ZNF33A: variants seen among roughly 807,000 people sequenced by gnomAD.
ZNF33A encodes the protein brain my041 protein.
Under a neutral mutation model 15.9 loss-of-function variants are expected in ZNF33A, and 9 were observed. The ratio of observed to expected loss-of-function variants is 0.57; its 90% CI spans 0.34 to 0.99. The LOEUF (loss-of-function observed/expected upper bound fraction) is 0.99. Among genes scored for constraint, ZNF33A ranks in the 50% least tolerant of loss-of-function variants. The pLI, the probability that ZNF33A is intolerant of heterozygous loss-of-function variation, is 0.02. For missense variants in ZNF33A, 843 were observed against 941.6 expected, an observed-to-expected ratio of 0.90 and a Z score of 1.37; for synonymous variants, 294 against 324.2, an observed-to-expected ratio of 0.91 and a Z score of 1.00.
intron 2 of ZNF33A, chr10:38,016,124 C>T (rs1564833049): frequency 1.4e-6 from 1 of 735,994 alleles, no homozygotes; most frequent in Non-Finnish European, 1.9e-6. Flanking sequence ...GGATTAGAAC[C>T]CAGAATATGT....
chr10:38,032,949 T>C (rs1336070452), intron 4 of ZNF33A, among the ~76,000 whole-genome samples: 1 of 152,148 alleles, frequency 6.6e-6, no homozygotes, highest in Non-Finnish European at 1.5e-5. Flanking sequence ...GGTTTCACCA[T>C]GTTGGCCAGG....
chr10:38,032,979 C>T (rs1470106516), intron 4 of ZNF33A, among the ~76,000 whole-genome samples: 1 of 152,158 alleles, frequency 6.6e-6, no homozygotes, highest in East Asian at 1.9e-4. Context: ...AGCTCCTGAC[C>T]TCAAGTGATG....
At chr10:38,043,684 A>G (rs1365743264) in intron 4 of ZNF33A, among the ~76,000 whole-genome samples, 1 of 152,024 alleles carries the variant, frequency 6.6e-6, no homozygotes, top group East Asian at 1.9e-4. Context: ...TGCAAAAAAA[A>G]AAATTTTTTT....
At chr10:38,051,679 ATATT>A (rs2066212518) in intron 4 of ZNF33A, among the ~76,000 whole-genome samples, 1 of 152,012 alleles carries the variant, frequency 6.6e-6, no homozygotes, top group Non-Finnish European at 1.5e-5. Context: ...TTGTTATTAT[ATATT>A]ACGATTATAC....
chr10:38,051,818 A>G (rs1425233154), intron 4 of ZNF33A, among the ~76,000 whole-genome samples: 2 of 152,080 alleles, frequency 1.3e-5, no homozygotes, highest in Non-Finnish European at 2.9e-5. Flanking sequence ...CACTGGCCCC[A>G]TCAATTATGT....
In ZNF33A at chr10:38,012,304, C is replaced by CT. The variant is rs1211212659; in HGVS notation, c.-36dup. On this transcript the variant is annotated 5_prime_UTR_variant, in exon 2 of 5. Coordinates refer to ENST00000432900, the MANE Select transcript of ZNF33A (RefSeq NM_006954.2). ...TCCTCTTTTTCTAACTCAGCTGTAT[C>CT]TTCAGAGTTGTCTCCGTCTTTCCAA... 6.2e-7 allele frequency: 1 copy of CT among 1,611,216 alleles called. No individual in the cohort carries two copies. The highest frequency in any genetic ancestry group is 8.5e-7 in the Non-Finnish European group (1 of 1,179,288).
At chr10:38,010,542 C>T (rs2064117957), upstream of ZNF33A, 2 of 727,882 alleles carry the variant, frequency 2.7e-6, no homozygotes. Context: ...CACTGCCTAG[C>T]GGGGCACTTC....
At chr10:38,039,187 GT>G (rs138929289) in intron 4 of ZNF33A, among the ~76,000 whole-genome samples, 25 of 148,168 alleles carry the variant, frequency 1.7e-4, no homozygotes, top group Non-Finnish European at 2.5e-4. Context: ...ATGGACCTGG[GT>G]TTTTTTTTTG....
At chr10:38,018,763 T>C (rs1449489502) in intron 4 of ZNF33A, among the ~76,000 whole-genome samples, 1 of 152,116 alleles carries the variant, frequency 6.6e-6, no homozygotes, top group East Asian at 1.9e-4. Context: ...AACTAACATT[T>C]GTAACATCAG....
At chr10:38,013,384 C>T (rs1010267364) in intron 2 of ZNF33A, among the ~76,000 whole-genome samples, 24 of 151,790 alleles carry the variant, frequency 1.6e-4, no homozygotes, top group African/African-American at 5.8e-4. Flanking sequence ...GCTGGGATTA[C>T]AGGCGTGAGC....
In ZNF33A at chr10:38,044,577, A is replaced by G. The variant is rs34241830; in HGVS notation, c.251-9798A>G. On this transcript the variant is annotated intron_variant, in intron 4 of 4. Coordinates refer to ENST00000432900, the MANE Select transcript of ZNF33A (RefSeq NM_006954.2). ...TATAATTTTTGAATCCAGAATTTTC[A>G]TTGTATTCTTTTCTGTCTTCTTATT... is the stretch of plus-strand genomic sequence containing the variant. 1.8e-3 allele frequency among the ~76,000 whole-genome samples: 273 copies of G among 152,090 alleles called. 1 individual carries two copies. The highest frequency in any genetic ancestry group is 2.9e-3 in the Non-Finnish European group (195 of 67,988).
At chr10:38,063,002 CAAAAAAAAAAAA>C (rs373779802), downstream of ZNF33A, among the ~76,000 whole-genome samples, 42 of 44,216 alleles carry the variant, frequency 9.5e-4, no homozygotes, top group Middle Eastern at 0.013. Context: ...GACTCCATCT[CAAAAAAAAAAAA>C]AAAAAAAAAA....
intron 4 of ZNF33A, among the ~76,000 whole-genome samples, chr10:38,047,104 T>C (rs2065973746): frequency 7.3e-6 from 1 of 137,426 alleles, no homozygotes; most frequent in Non-Finnish European, 1.5e-5. Context: ...CACTTGAGCC[T>C]GAGAGGTGAT....
rs571905179 is a variant in ZNF33A at position 38,018,366 on chromosome 10, A to G, written c.250+980A>G. ...GTAATAGCAGCTGCTAGCCTTGGGC[A>G]GGAATGTGGTTGGTGGGTTTCAGGA... On this transcript the variant is annotated intron_variant, in intron 4 of 4. Transcript: ENST00000432900. 3.4e-3 allele frequency among the ~76,000 whole-genome samples: 517 copies of G among 152,270 alleles called. 3 individuals carry two copies. Among genetic ancestry groups the G allele is most frequent in the African/African-American group, 0.012 (491 of 41,568 alleles).
chr10:38,064,306 A>G, downstream of ZNF33A: 2 of 563,930 alleles, frequency 3.5e-6, no homozygotes, highest in South Asian at 5.1e-5. Flanking sequence ...CTAAAGAGAC[A>G]TTTCTACTTC....
chr10:38,057,127 CGTGTAT>C lies in ZNF33A; in HGVS notation c.*572_*577del. The C allele has an allele frequency of 1.4e-6, 1 of 722,756 alleles. No homozygotes were observed. Among genetic ancestry groups the C allele is most frequent in the Non-Finnish European group, 1.7e-6 (1 of 589,742 alleles). The allele number at this position is 722,756 out of a possible 1,614,324, so 44.8% of individuals were successfully genotyped here. ...TGCATGCACTCTGTGTGTGTGTGTACGTGTATGTGTGTGTGTGTGGTTATATCAAAC... is the reference window on the plus strand; with the variant it reads ...TGCATGCACTCTGTGTGTGTGTGTACGTGTGTGTGTGTGGTTATATCAAAC... On this transcript the variant is annotated 3_prime_UTR_variant, in exon 5 of 5. Transcript: ENST00000432900.
chr10:38,058,009 T>C lies in ZNF33A; in HGVS notation c.*1449T>C, dbSNP rs2066554872. ...TTGATAGTGTGAAGATTGTACACTA[T>C]ATTACATGATCAGATCATACAAATA... is the stretch of plus-strand genomic sequence containing the variant. On this transcript the variant is annotated 3_prime_UTR_variant, in exon 5 of 5. Transcript: ENST00000432900. 1 of 985,124 alleles carries C rather than the reference T, an allele frequency of 1.0e-6. No individual in the cohort carries two copies. 61.0% of individuals were successfully genotyped at this position (985,124 alleles called of 1,614,324 possible).
At chr10:38,011,110 C>T (rs1465803392) in intron 1 of ZNF33A, among the ~76,000 whole-genome samples, 2 of 152,196 alleles carry the variant, frequency 1.3e-5, no homozygotes, top group East Asian at 3.9e-4. Flanking sequence ...TAGGGCGCCG[C>T]GGTACGTGGG....
chr10:38,016,753 C>A, intron 2 of ZNF33A, 118 bp from the exon 3 acceptor site: 1 of 1,221,890 alleles, frequency 8.2e-7, no homozygotes, highest in South Asian at 1.6e-5. Flanking sequence ...CAGAATATTT[C>A]TGTTATGATT....
Sources: allele counts gnomAD v4.1 joint callset (sites outside exome capture counted in the v4.1 genomes callset), GRCh38; gene constraint gnomAD v4.1.1; transcripts MANE v1.5; gene names NCBI Gene and HGNC (gene_info 2026-07-23, HGNC 2026-07-21).